CLNK: variants seen among roughly 807,000 people sequenced by gnomAD.
CLNK encodes cytokine dependent hematopoietic cell linker, also known as cytokine-dependent hematopoietic cell linker.
In CLNK, 74 loss-of-function variants were observed where a neutral mutation model predicts 68.6. The ratio of observed to expected loss-of-function variants is 1.08; its 90% CI spans 0.89 to 1.31. The LOEUF (loss-of-function observed/expected upper bound fraction) is 1.31. CLNK is among the 50% of genes most tolerant of loss of function. The pLI, the probability that CLNK is intolerant of heterozygous loss-of-function variation, is 0.00. For missense variants in CLNK, 553 were observed against 515.3 expected, an observed-to-expected ratio of 1.07 and a Z score of -0.71; for synonymous variants, 198 against 172.2, an observed-to-expected ratio of 1.15 and a Z score of -1.17.
chr4:10,508,280 T>C (rs1186136780), intron 16 of CLNK, among the ~76,000 whole-genome samples: 3 of 152,182 alleles, frequency 2.0e-5, no homozygotes, highest in Non-Finnish European at 4.4e-5. Flanking sequence ...TTGAGAAAGG[T>C]CCTTCAGCAC....
chr4:10,680,447 A>G (rs1725054399), intron 1 of CLNK, among the ~76,000 whole-genome samples: 1 of 151,864 alleles, frequency 6.6e-6, no homozygotes, highest in African/African-American at 2.4e-5. Flanking sequence ...CAGCACACCA[A>G]CATGTCACAT....
intron 2 of CLNK, among the ~76,000 whole-genome samples, chr4:10,621,013 G>T (rs367694077): frequency 6.6e-6 from 1 of 152,116 alleles, no homozygotes; most frequent in Admixed American, 6.5e-5. Flanking sequence ...AGGAGGCTGA[G>T]GCAGGATAAT....
chr4:10,689,762 T>TTTTTTTTTTTTTTTTTTAA (rs55754483), upstream of CLNK, among the ~76,000 whole-genome samples: 1 of 149,442 alleles, frequency 6.7e-6, no homozygotes, highest in Non-Finnish European at 1.5e-5. Context: ...TTTTTTTTTT[T>TTTTTTTTTTTTTTTTTTAA]ACAAATTGTG....
intron 14 of CLNK, chr4:10,523,973 T>A (rs969850619): frequency 1.8e-5 from 7 of 381,332 alleles, no homozygotes; most frequent in African/African-American, 1.3e-4. Context: ...TGCATTGAGA[T>A]GTGATTGTGC....
the CLNK span, among the ~76,000 whole-genome samples, chr4:10,720,360 C>T: frequency 2.6e-5 from 4 of 151,932 alleles, no homozygotes; most frequent in African/African-American, 9.7e-5. Context: ...TTACTAGGAA[C>T]ATCACTACAA....
chr4:10,509,872 G>A lies in CLNK; in HGVS notation c.907-1836C>T, dbSNP rs559971303. Among the ~76,000 whole-genome samples the A allele has an allele frequency of 4.6e-5, 7 of 152,214 alleles. No individual in the cohort carries two copies. In the South Asian group the frequency reaches 1.2e-3, roughly 27 times the overall value. On this transcript the variant is annotated intron_variant, in intron 16 of 18. Transcript: ENST00000226951. ...CCTAGTCCCTACCCCCAGGGGAGAG[G>A]TAGTGCTGAAAAGGTCCATGGCAGA...
chr4:10,638,557 T>A (rs1723185244), intron 2 of CLNK, among the ~76,000 whole-genome samples: 1 of 152,222 alleles, frequency 6.6e-6, no homozygotes, highest in Admixed American at 6.5e-5. Context: ...GTGACAGTGG[T>A]ATATTAATTG....
At chr4:10,720,519 T>TA in the CLNK span, among the ~76,000 whole-genome samples, 1 of 151,672 alleles carries the variant, frequency 6.6e-6, no homozygotes, top group Non-Finnish European at 1.5e-5. Flanking sequence ...TAATGAAAAT[T>TA]AAAAAACTGC....
chr4:10,689,281 C>T (rs1433832874), upstream of CLNK, among the ~76,000 whole-genome samples: 1 of 151,894 alleles, frequency 6.6e-6, no homozygotes, highest in African/African-American at 2.4e-5. Flanking sequence ...ACTGCAGGCA[C>T]AAGACACTGT....
intron 18 of CLNK, among the ~76,000 whole-genome samples, chr4:10,492,549 C>T (rs1462331282): frequency 1.3e-5 from 2 of 152,136 alleles, no homozygotes; most frequent in African/African-American, 2.4e-5. Flanking sequence ...GAAAATTGTC[C>T]GTTGAGGCTT....
intron 11 of CLNK, among the ~76,000 whole-genome samples, chr4:10,537,637 CTCTTT>C (rs1718822370): frequency 1.2e-4 from 9 of 76,196 alleles, no homozygotes; most frequent in Admixed American, 9.3e-4. Context: ...TTCTTTCTTT[CTCTTT>C]CTTTCTTTCT....
intron 15 of CLNK, among the ~76,000 whole-genome samples, chr4:10,516,388 G>T (rs1717836774): frequency 2.0e-5 from 3 of 152,102 alleles, no homozygotes; most frequent in Non-Finnish European, 4.4e-5. Flanking sequence ...CTAAATTTTT[G>T]AGATGAAATA....
At chr4:10,721,281 C>T in the CLNK span, among the ~76,000 whole-genome samples, 1 of 151,880 alleles carries the variant, frequency 6.6e-6, no homozygotes, top group Non-Finnish European at 1.5e-5. Flanking sequence ...GACTGCATGC[C>T]CTGATGGTGA....
the CLNK span, among the ~76,000 whole-genome samples, chr4:10,701,966 T>C: frequency 1.3e-5 from 2 of 152,142 alleles, no homozygotes; most frequent in African/African-American, 4.8e-5. Flanking sequence ...GCAAAGGCAC[T>C]GAGAAGACAT....
Position 10,532,535 on chromosome 4 carries a change from T to A in CLNK, c.603-252A>T, listed in dbSNP as rs1718585588. On this transcript the variant is annotated intron_variant, in intron 11 of 18. Transcript: ENST00000226951. ...AAAGGACATGAATAAACGTGCATCTTATTTTGGGAGAAATTAAAAAATCAT... is the reference window on the plus strand; with the variant it reads ...AAAGGACATGAATAAACGTGCATCTAATTTTGGGAGAAATTAAAAAATCAT... Among the ~76,000 whole-genome samples, 3 of 152,242 alleles carry A rather than the reference T, an allele frequency of 2.0e-5. No individual in the cohort carries two copies. In the South Asian group the frequency reaches 6.2e-4, roughly 31 times the overall value.
intron 16 of CLNK, 26 bp downstream of exon 16, chr4:10,513,438 G>C (rs1021641036): frequency 1.2e-6 from 2 of 1,600,756 alleles, no homozygotes; most frequent in African/African-American, 2.7e-5. Flanking sequence ...CATCTAGAAG[G>C]ACTTGGCAGA....
chr4:10,699,614 G>A, the CLNK span, among the ~76,000 whole-genome samples: 1 of 147,962 alleles, frequency 6.8e-6, no homozygotes, highest in Non-Finnish European at 1.5e-5. Context: ...CCAGGTTCAA[G>A]CAATTGTCCT....
At chr4:10,528,707 T>G (rs1489304947) in intron 12 of CLNK, among the ~76,000 whole-genome samples, 1 of 152,228 alleles carries the variant, frequency 6.6e-6, no homozygotes, top group Non-Finnish European at 1.5e-5. Flanking sequence ...AATTATATTT[T>G]ATATCCATGT....
chr4:10,509,413 G>T (rs1717468771), intron 16 of CLNK, among the ~76,000 whole-genome samples: 2 of 152,082 alleles, frequency 1.3e-5, no homozygotes, highest in Non-Finnish European at 2.9e-5. Flanking sequence ...GACACACACA[G>T]CTTTAGGGAT....
Sources: gnomAD v4.1 joint callset for allele counts (sites outside exome capture counted in the v4.1 genomes callset) on GRCh38, gnomAD v4.1.1 for gene constraint, MANE v1.5 for transcripts, NCBI Gene and HGNC (gene_info 2026-07-23, HGNC 2026-07-21) for gene names.